FAM167A: variants seen among roughly 807,000 people sequenced by gnomAD.
FAM167A encodes the protein family with sequence similarity 167 member A, also known as protein FAM167A.
FAM167A carries 23 observed loss-of-function variants against 14.9 expected under a neutral mutation model. That is an observed-to-expected ratio of 1.55 (90% CI 1.11 to 2.19). FAM167A has a LOEUF of 2.19. Among genes scored for constraint, FAM167A ranks in the 30% most tolerant of loss-of-function variants. The pLI is 0.00. For synonymous variants in FAM167A, 174 were observed against 117.7 expected, an observed-to-expected ratio of 1.48 and a Z score of -3.10; for missense variants, 401 against 281.5, an observed-to-expected ratio of 1.42 and a Z score of -3.04.
chr8:11,445,276 C>G (rs1229609152), intron 1 of FAM167A: 3 of 985,596 alleles, frequency 3.0e-6, no homozygotes, highest in Non-Finnish European at 3.6e-6. Flanking sequence ...GCACCCCACA[C>G]AGGCTAAGGT....
At chr8:11,461,373 CG>C (rs1295515134) in intron 1 of FAM167A, among the ~76,000 whole-genome samples, 1 of 152,274 alleles carries the variant, frequency 6.6e-6, no homozygotes, top group Non-Finnish European at 1.5e-5. Context: ...GATGCCCAGA[CG>C]GGCTAAGGCA....
At chr8:11,443,130 CG>C (rs926421645) in intron 2 of FAM167A, among the ~76,000 whole-genome samples, 1 of 152,134 alleles carries the variant, frequency 6.6e-6, no homozygotes, top group Non-Finnish European at 1.5e-5. Context: ...GCCTCAGGGA[CG>C]GGGTGGGGCA....
chr8:11,450,325 C>T (rs1344739784), intron 1 of FAM167A, among the ~76,000 whole-genome samples: 1 of 152,240 alleles, frequency 6.6e-6, no homozygotes, highest in Non-Finnish European at 1.5e-5. Context: ...GCTTACAGCA[C>T]ACCACACGAG....
At chr8:11,449,676 G>A (rs988568892) in intron 1 of FAM167A, among the ~76,000 whole-genome samples, 4 of 152,214 alleles carry the variant, frequency 2.6e-5, no homozygotes, top group African/African-American at 7.2e-5. Context: ...CAGCAGTGGG[G>A]ACAAGCCCTT....
chr8:11,465,010 C>T (rs547484633), intron 1 of FAM167A, among the ~76,000 whole-genome samples: 34 of 152,244 alleles, frequency 2.2e-4, no homozygotes, highest in Non-Finnish European at 2.2e-4. Context: ...GGAGCAAGTG[C>T]GCAGGGAGTC....
intron 2 of FAM167A, among the ~76,000 whole-genome samples, chr8:11,441,043 G>A (rs186888125): frequency 3.3e-5 from 5 of 152,306 alleles, no homozygotes; most frequent in African/African-American, 7.2e-5. Flanking sequence ...AGCAGCAGGC[G>A]GAACTGCACG....
chr8:11,436,835 C>G (rs565298644), intron 2 of FAM167A, among the ~76,000 whole-genome samples: 1 of 152,106 alleles, frequency 6.6e-6, no homozygotes, highest in African/African-American at 2.4e-5. Context: ...TGATGCTGAG[C>G]GAGAACCAGC....
upstream of FAM167A, among the ~76,000 whole-genome samples, chr8:11,471,279 C>A (rs758664170): frequency 3.4e-4 from 52 of 152,282 alleles, no homozygotes; most frequent in Non-Finnish European, 4.1e-4. Flanking sequence ...TGAGGAGTGG[C>A]GGGCACAAGG....
intron 2 of FAM167A, among the ~76,000 whole-genome samples, chr8:11,433,362 A>G (rs186175888): frequency 1.3e-5 from 2 of 152,270 alleles, no homozygotes; most frequent in African/African-American, 4.8e-5. Flanking sequence ...CCTTTCCAAC[A>G]AAAGTCTTAC....
At chr8:11,427,954 G>A (rs561600491) in intron 2 of FAM167A, among the ~76,000 whole-genome samples, 35 of 152,332 alleles carry the variant, frequency 2.3e-4, no homozygotes, top group Non-Finnish European at 3.7e-4. Context: ...AGCCTGGAAC[G>A]GAGCTAGGTG....
At chr8:11,445,667 C>T (rs756743055) in intron 1 of FAM167A, 130 of 959,804 alleles carry the variant, frequency 1.4e-4, no homozygotes, top group Non-Finnish European at 1.6e-4. Flanking sequence ...ACATCAGACA[C>T]AGGGTAGAAA....
At chr8:11,426,219 C>T (rs557331644) in intron 2 of FAM167A, among the ~76,000 whole-genome samples, 1 of 152,176 alleles carries the variant, frequency 6.6e-6, no homozygotes, top group Non-Finnish European at 1.5e-5. Context: ...ACCCTCCAAG[C>T]CCCTTCAAGA....
In FAM167A at chr8:11,449,483, C is replaced by T. The variant is rs148593057; in HGVS notation, c.-397-4675G>A. Reference sequence around the variant, plus strand: ...GGCCCAGGCCCCGGGAGGAAGAGCCCCCCAACACTCTAAACAAACGGGCTT... The same window carrying T: ...GGCCCAGGCCCCGGGAGGAAGAGCCTCCCAACACTCTAAACAAACGGGCTT... On this transcript the variant is annotated intron_variant, in intron 1 of 2. Transcript: ENST00000284486. Among the ~76,000 whole-genome samples, 1,154 of 152,272 alleles carry T rather than the reference C, an allele frequency of 7.6e-3. 12 individuals are homozygous for T. Among genetic ancestry groups the T allele is most frequent in the African/African-American group, 0.025 (1,035 of 41,554 alleles).
At position 11,444,741 on chromosome 8, in the gene FAM167A, G is replaced by A. The variant is rs1372339822; in HGVS notation, c.-330C>T. 2.8e-6 allele frequency: 3 copies of A among 1,068,142 alleles called. No individual in the cohort carries two copies. Among genetic ancestry groups the A allele is most frequent in the African/African-American group, 3.3e-5 (2 of 60,164 alleles). 66.2% of individuals were successfully genotyped at this position (1,068,142 alleles called of 1,614,324 possible). On this transcript the variant is annotated 5_prime_UTR_variant, in exon 2 of 3. Transcript: ENST00000284486. ...AGGTCTATCTGTCCTGAACGCACTC[G>A]AAGACCAGACTGGCAGGAAGAAGGC...
At chr8:11,462,475 C>G (rs1807580285) in intron 1 of FAM167A, among the ~76,000 whole-genome samples, 2 of 152,220 alleles carry the variant, frequency 1.3e-5, no homozygotes, top group African/African-American at 4.8e-5. Flanking sequence ...CTGTGCTTGG[C>G]TGTCACTCTC....
chr8:11,450,165 A>G (rs1806967034), intron 1 of FAM167A, among the ~76,000 whole-genome samples: 1 of 152,164 alleles, frequency 6.6e-6, no homozygotes, highest in South Asian at 2.1e-4. Flanking sequence ...CAGCCTGGAA[A>G]GCCCTTCACT....
intron 2 of FAM167A, among the ~76,000 whole-genome samples, chr8:11,439,072 A>G (rs1048733721): frequency 4.6e-5 from 7 of 152,204 alleles, no homozygotes; most frequent in African/African-American, 1.7e-4. Flanking sequence ...GAACAAAGAG[A>G]TCTGGATCCA....
At chr8:11,460,545 G>T (rs889113186) in intron 1 of FAM167A, among the ~76,000 whole-genome samples, 2 of 152,254 alleles carry the variant, frequency 1.3e-5, no homozygotes, top group African/African-American at 4.8e-5. Context: ...CCGGTTTGCA[G>T]TGTCCTATGC....
intron 1 of FAM167A, chr8:11,446,691 C>T (rs180945025): frequency 1.3e-5 from 2 of 152,338 alleles, no homozygotes; most frequent in Admixed American, 1.3e-4. Context: ...AATTCACCGG[C>T]ACTCTCTGAA....
Sources: allele counts gnomAD v4.1 joint callset (sites outside exome capture counted in the v4.1 genomes callset), GRCh38; gene constraint gnomAD v4.1.1; transcripts MANE v1.5; gene names NCBI Gene and HGNC (gene_info 2026-07-23, HGNC 2026-07-21).